Variants in CENPI observed in about 807,000 individuals in gnomAD.
CENPI encodes centromere protein I.
CENPI carries 4 observed loss-of-function variants against 60.4 expected under a neutral mutation model. The observed-to-expected ratio is 0.07, with a 90% CI of 0.03 to 0.15. The LOEUF is 0.15. CENPI is among the 10% of genes least tolerant of loss of function. The pLI, the probability that CENPI is intolerant of heterozygous loss-of-function variation, is 1.00. For synonymous variants in CENPI, 157 were observed against 189.4 expected, an observed-to-expected ratio of 0.83 and a Z score of 1.40; for missense variants, 444 against 534.5, an observed-to-expected ratio of 0.83 and a Z score of 1.67.
intron 4 of CENPI, among the ~76,000 whole-genome samples, chrX:101,107,767 C>T (rs188254902): frequency 0.013 from 1,389 of 109,828 alleles, 12 homozygotes; most frequent in Non-Finnish European, 0.02. Flanking sequence ...CTCCCGGGTT[C>T]CAGTGATTCT....
chrX:101,149,064 C>T (rs185261678), intron 20 of CENPI, among the ~76,000 whole-genome samples: 25 of 110,897 alleles, frequency 2.3e-4, no homozygotes, highest in African/African-American at 8.2e-4. Flanking sequence ...TATAAAGGGG[C>T]GCTAAGTTCA....
At position 101,152,464 on chromosome X, in the gene CENPI, T is replaced by G. The variant is rs778899352; in HGVS notation, c.2094+4303T>G. On this transcript the variant is annotated intron_variant, in intron 20 of 21. Transcript: ENST00000682095. ...GACAGTCTTGCTCTGTCGCCTGGGC[T>G]GGAGTGCAGTGGTGCCATCCCGGCT... Among the ~76,000 whole-genome samples the G allele has an allele frequency of 4.5e-5, 5 of 111,122 alleles. No homozygotes were observed. The Admixed American group carries it at 4.8e-4, about 11-fold the overall frequency.
Position 101,154,679 on chromosome X carries a change from A to G in CENPI, c.2094+6518A>G, listed in dbSNP as rs185085301. ...TGGGTAGTATTGCCATCTTAATAAT[A>G]TTAAGTCTTCCAATGCATGAACATC... On this transcript the variant is annotated intron_variant, in intron 20 of 21. Coordinates refer to ENST00000682095, the MANE Select transcript of CENPI (RefSeq NM_001386188.2). 1.2e-4 allele frequency among the ~76,000 whole-genome samples: 13 copies of G among 112,136 alleles called. No homozygotes were observed. The East Asian group carries it at 3.1e-3, about 27-fold the overall frequency.
At chrX:101,125,731 G>C (rs1257976333) in intron 8 of CENPI, among the ~76,000 whole-genome samples, 1 of 111,482 alleles carries the variant, frequency 9.0e-6, no homozygotes, top group Non-Finnish European at 1.9e-5. Flanking sequence ...TTTTAAATGG[G>C]GCTTTGGGAG....
intron 3 of CENPI, 45 bp downstream of exon 3, chrX:101,101,341 A>G (rs886484535): frequency 1.1e-6 from 1 of 914,098 alleles, no homozygotes; most frequent in Non-Finnish European, 1.6e-6. Flanking sequence ...TTTCTGTAAA[A>G]ATATTCTAGT....
chrX:101,130,140 A>T, intron 13 of CENPI, 67 bp downstream of exon 13: 1 of 843,077 alleles, frequency 1.2e-6, no homozygotes, highest in Non-Finnish European at 1.7e-6. Context: ...ATATCCATTG[A>T]AAACCTTTTC....
rs1007560945 is a variant in CENPI, at chrX:101,127,092, A to G, written c.778-46A>G. On this transcript the variant is annotated intron_variant, in intron 9 of 21. Transcript: ENST00000682095. ...GGCATTTTAGACTTTATGTTGCTTC[A>G]GTTTATGGGTACCTACTCTCTTGTA... 3.9e-6 allele frequency: 4 copies of G among 1,037,305 alleles called. No homozygotes were observed. In the African/African-American group the frequency reaches 7.7e-5, roughly 20 times the overall value. The allele number at this position is 1,037,305 out of a possible 1,213,427, so 85.5% of individuals were successfully genotyped here.
At chrX:101,159,491 T>A (rs1177481616) in intron 20 of CENPI, among the ~76,000 whole-genome samples, 1 of 100,859 alleles carries the variant, frequency 9.9e-6, no homozygotes, top group Non-Finnish European at 2.0e-5. Context: ...GGAGTTTTGC[T>A]CTTGTTGCCC....
chrX:101,103,587 C>T lies in CENPI; in HGVS notation c.364+1176C>T, dbSNP rs140718527. Among the ~76,000 whole-genome samples, 15 of 111,381 alleles carry T rather than the reference C, an allele frequency of 1.3e-4. No homozygotes were observed. In the South Asian group the frequency reaches 2.3e-3, roughly 17 times the overall value. ...AACTCCCGACCTCAGGTGATCCGCC[C>T]ACCTCGGCCTTCCAAAGTGCTGGGA... On this transcript the variant is annotated intron_variant, in intron 4 of 21. Transcript: ENST00000682095.
intron 6 of CENPI, among the ~76,000 whole-genome samples, chrX:101,118,484 A>C (rs2089645039): frequency 8.9e-6 from 1 of 112,377 alleles, no homozygotes. Flanking sequence ...AAATAAGAAG[A>C]GACGCTTTCT....
rs751575763 is a variant in CENPI, at chrX:101,120,752, G to A, written c.655G>A (p.Val219Met). ...ATGTTTTCTAGTCAAACCATTTCGTGTGAGAAAACTGCTTGATCTTCAGGC... is the reference window on the plus strand; with the variant it reads ...ATGTTTTCTAGTCAAACCATTTCGTATGAGAAAACTGCTTGATCTTCAGGC... ...TKKENVKPFR[V>M]RKLLDLQAKM... Residue 219 changes from valine to methionine, a missense_variant, in exon 8 of 22, where the codon GTG becomes ATG. Transcript: ENST00000682095. 1.7e-6 allele frequency: 2 copies of A among 1,208,931 alleles called. No individual in the cohort carries two copies. The highest frequency in any genetic ancestry group is 2.2e-5 in the Admixed American group (1 of 45,905).
chrX:101,176,779 C>T, the CENPI span, among the ~76,000 whole-genome samples: 1 of 112,807 alleles, frequency 8.9e-6, no homozygotes, highest in East Asian at 2.8e-4. Context: ...TGTATATAGT[C>T]CCATTTGTCT....
chrX:101,111,435 C>A (rs7058061), intron 6 of CENPI, among the ~76,000 whole-genome samples: 16,877 of 109,918 alleles, frequency 0.15, 1,230 homozygotes, highest in Non-Finnish European at 0.22. Flanking sequence ...GGTGCTAAAG[C>A]AATGGTGGGT....
intron 15 of CENPI, among the ~76,000 whole-genome samples, chrX:101,133,434 G>A (rs1386752794): frequency 2.8e-5 from 3 of 108,065 alleles, no homozygotes; most frequent in African/African-American, 1.0e-4. Flanking sequence ...TGGACCATAG[G>A]AAATTGCTAT....
intron 6 of CENPI, 56 bp from the exon 7 acceptor site, chrX:101,120,346 C>A (rs2089664360): frequency 3.6e-6 from 2 of 548,363 alleles, no homozygotes; most frequent in African/African-American, 2.3e-5. Flanking sequence ...AAATGTGTTG[C>A]CCCTCTGTTC....
At chrX:101,132,002 G>T (rs2089800052) in intron 13 of CENPI, among the ~76,000 whole-genome samples, 188 bp from the exon 14 acceptor site, 2 of 111,729 alleles carry the variant, frequency 1.8e-5, no homozygotes. Context: ...GGTAATGTAT[G>T]CAAATACTAA....
rs2089976285 is a variant in CENPI at position 101,147,959 on chromosome X, A to G, written c.1892A>G (p.Asn631Ser). ...TCCCATTAGACAAAATCAGAGTTCAATTTCAGCAGCAAGACTTATCAAGAA... is the reference window on the plus strand; with the variant it reads ...TCCCATTAGACAAAATCAGAGTTCAGTTTCAGCAGCAAGACTTATCAAGAA... ...ELVQKTKSEF[N>S]FSSKTYQEFN... The change falls in exon 20 of 22, where the codon AAT becomes AGT. Residue 631 changes from asparagine (N) to serine (S), a missense_variant. Physicochemically the swap from Asn to Ser is conservative, Grantham distance 46. Transcript: ENST00000682095. 8.3e-7 allele frequency: 1 copy of G among 1,208,373 alleles called. No individual in the cohort carries two copies. The highest frequency in any genetic ancestry group is 1.1e-6 in the Non-Finnish European group (1 of 893,662).
chrX:101,147,213 T>A (rs1469929298), intron 18 of CENPI, among the ~76,000 whole-genome samples: 1 of 111,607 alleles, frequency 9.0e-6, no homozygotes, highest in African/African-American at 3.3e-5. Flanking sequence ...TGAGCCTCTG[T>A]TAATTTTTTT....
In CENPI at chrX:101,120,539, TTA is replaced by T. The variant is rs1432327812; in HGVS notation, c.640+93_640+94del. The T allele has an allele frequency of 9.5e-5, 58 of 609,119 alleles. No homozygotes were observed. The Admixed American group carries it at 1.8e-3, about 19-fold the overall frequency. 50.2% of individuals were successfully genotyped at this position (609,119 alleles called of 1,213,427 possible). ...AAGTTAAAATAACTATTAGCATTAG[TTA>T]TATGACAGAAGTCATTTTGTGGAAA... is the stretch of plus-strand genomic sequence containing the variant. On this transcript the variant is annotated intron_variant, in intron 7 of 21. Coordinates refer to ENST00000682095, the MANE Select transcript of CENPI (RefSeq NM_001386188.2).
Sources: allele counts gnomAD v4.1 joint callset (sites outside exome capture counted in the v4.1 genomes callset), GRCh38; gene constraint gnomAD v4.1.1; transcripts MANE v1.5; gene names NCBI Gene and HGNC (gene_info 2026-07-23, HGNC 2026-07-21).